Variants in KIF3A observed in about 807,000 individuals in gnomAD.
KIF3A encodes the protein kinesin family member 3A.
A neutral mutation model predicts 92.6 loss-of-function variants in KIF3A; 27 were observed. That is an observed-to-expected ratio of 0.29 (90% confidence interval 0.21 to 0.40). The LOEUF (loss-of-function observed/expected upper bound fraction) is 0.40. Ranked by LOEUF, KIF3A falls within the 10% of genes least tolerant of loss-of-function variation. The pLI is 1.00. For missense variants in KIF3A, 581 were observed against 872.6 expected, an observed-to-expected ratio of 0.67 and a Z score of 4.21; for synonymous variants, 250 against 275.4, an observed-to-expected ratio of 0.91 and a Z score of 0.92.
At chr5:132,711,128 T>C in intron 8 of KIF3A, 71 bp from the exon 9 acceptor site, 1 of 1,374,676 alleles carries the variant, frequency 7.3e-7, no homozygotes, top group Non-Finnish European at 1.0e-6. Context: ...AATACCTATA[T>C]CAGCTTTCTT....
At chr5:132,707,904 CA>C in intron 10 of KIF3A, among the ~76,000 whole-genome samples, 1 of 152,110 alleles carries the variant, frequency 6.6e-6, no homozygotes, top group Non-Finnish European at 1.5e-5. Context: ...ATTGTTTTAA[CA>C]AAAGCCTTTA....
chr5:132,690,082 G>T (rs763976188), downstream of KIF3A, among the ~76,000 whole-genome samples: 5 of 152,178 alleles, frequency 3.3e-5, no homozygotes, highest in Non-Finnish European at 5.9e-5. Flanking sequence ...GCCGAGCATG[G>T]TGTTGCGTCT....
At chr5:132,718,361 G>A (rs891600054) in intron 5 of KIF3A, among the ~76,000 whole-genome samples, 1 of 152,160 alleles carries the variant, frequency 6.6e-6, no homozygotes, top group Non-Finnish European at 1.5e-5. Flanking sequence ...CCAGGCTGGA[G>A]GGCAGTGGCA....
At chr5:132,728,802 G>A (rs897818443) in intron 2 of KIF3A, among the ~76,000 whole-genome samples, 7 of 151,408 alleles carry the variant, frequency 4.6e-5, no homozygotes, top group Admixed American at 1.3e-4. Flanking sequence ...GCTGGGTGCC[G>A]TGGCTCCTGC....
At chr5:132,719,573 C>T (rs1753757571) in intron 5 of KIF3A, among the ~76,000 whole-genome samples, 1 of 151,728 alleles carries the variant, frequency 6.6e-6, no homozygotes, top group African/African-American at 2.4e-5. Flanking sequence ...CTCACTGCAA[C>T]TTCTGCCTTC....
In KIF3A at chr5:132,696,677, C is replaced by T. The variant is rs143233559; in HGVS notation, c.2138G>A (p.Arg713His). 58 of 1,609,418 alleles carry T rather than the reference C, an allele frequency of 3.6e-5. No homozygotes were observed. Among genetic ancestry groups the T allele is most frequent in the African/African-American group, 3.5e-4 (26 of 74,836 alleles). Reference sequence around the variant, plus strand: ...AATTACAGTTTCAGGCTTTGCAGAACGCTTTCTGTTTGGAGAAGAAAAAAA... The same window carrying T: ...AATTACAGTTTCAGGCTTTGCAGAATGCTTTCTGTTTGGAGAAGAAAAAAA... ...KARPKTGRRKRSAKPETVIDS... is the reference protein window; with the variant it reads ...KARPKTGRRKHSAKPETVIDS... The change falls in exon 19 of 19, where the codon CGT becomes CAT. Residue 713 changes from arginine to histidine, a missense_variant. By Grantham distance (29) the Arg-to-His change is conservative (BLOSUM62 0). This residue lies in a region of KIF3A where 112 missense variants were observed against 144.3 expected (regional missense o/e 0.78). Transcript: ENST00000403231.
chr5:132,711,122 C>G, intron 8 of KIF3A, 65 bp from the exon 9 acceptor site: 1 of 1,418,992 alleles, frequency 7.0e-7, no homozygotes, highest in South Asian at 1.2e-5. Flanking sequence ...TTAGGAAATA[C>G]CTATATCAGC....
chr5:132,710,821 C>T (rs1032851847), intron 9 of KIF3A, 138 bp downstream of exon 9: 22 of 1,141,592 alleles, frequency 1.9e-5, no homozygotes, highest in Admixed American at 5.1e-5. Flanking sequence ...GCAAAGTTAA[C>T]CAGGTAAATG....
chr5:132,732,531 C>T (rs948943010), intron 2 of KIF3A, among the ~76,000 whole-genome samples: 2 of 152,148 alleles, frequency 1.3e-5, no homozygotes, highest in Non-Finnish European at 2.9e-5. Flanking sequence ...AATCTCAGCA[C>T]TTTGGGAGGC....
At position 132,737,455 on chromosome 5, in the gene KIF3A, C is replaced by A; in HGVS notation, c.-36G>T. The A allele has an allele frequency of 6.2e-7, 1 of 1,600,580 alleles. No homozygotes were observed. The highest frequency in any genetic ancestry group is 8.5e-7 in the Non-Finnish European group (1 of 1,174,368). ...TCCCGTGCCCGGCGGACGTCCCCGC[C>A]CGGGGTGCAGCCCAGCGACACCGGG... is the stretch of plus-strand genomic sequence containing the variant. On this transcript the variant is annotated 5_prime_UTR_variant, in exon 1 of 19. Transcript: ENST00000403231.
chr5:132,699,409 C>T, intron 17 of KIF3A, 114 bp from the exon 18 acceptor site: 1 of 1,001,636 alleles, frequency 1.0e-6, no homozygotes, highest in South Asian at 1.5e-5. Context: ...GAAGCTAAAA[C>T]CAAAGAAATG....
chr5:132,702,014 T>C, intron 15 of KIF3A, 73 bp downstream of exon 15: 1 of 1,420,256 alleles, frequency 7.0e-7, no homozygotes. Flanking sequence ...GTATTTATCA[T>C]CAGTTAAATT....
intron 14 of KIF3A, 134 bp from the exon 15 acceptor site, chr5:132,702,346 G>A (rs1027573965): frequency 9.6e-6 from 8 of 836,330 alleles, no homozygotes; most frequent in Middle Eastern, 2.8e-4. Context: ...GATAAACAGC[G>A]TGACACTATC....
In KIF3A at chr5:132,702,942, T is replaced by C; in HGVS notation, c.1590A>G (p.Glu530=). ...CTGCTCTTTTCCTCCTTTCTTCCAGTTCCATGTTAGATTCTTCAAGAAGTT... is the reference window on the plus strand; with the variant it reads ...CTGCTCTTTTCCTCCTTTCTTCCAGCTCCATGTTAGATTCTTCAAGAAGTT... The part of the protein sequence containing the change: ...QEKLLEESNM[E]LEERRKRAEQ... Residue 530 remains glutamate (E), a synonymous_variant, in exon 13 of 19, where the codon GAA becomes GAG. Transcript: ENST00000403231. 6.2e-7 allele frequency: 1 copy of C among 1,613,724 alleles called. No individual in the cohort carries two copies. Among genetic ancestry groups the C allele is most frequent in the Non-Finnish European group, 8.5e-7 (1 of 1,179,852 alleles).
Position 132,702,131 on chromosome 5 carries a change from G to A in KIF3A, c.1840C>T (p.Leu614Phe). Residue 614 changes from leucine (L) to phenylalanine (F), a missense_variant, in exon 15 of 19, where the codon CTT becomes TTT. Physicochemically the swap from Leu to Phe is conservative, Grantham distance 22 (BLOSUM62 0). Around this residue, in one of 5 missense-constraint regions of KIF3A, gnomAD observed 112 missense variants for 144.3 expected, o/e 0.78. Transcript: ENST00000403231. ...NIRQLSRELR[L>F]QMLIIDNFIP... ...AAGTTATCAATAATAAGCATCTGAA[G>A]TCGAAGCTCCCGGCTAAGTTGCCGA... The A allele has an allele frequency of 6.2e-7, 1 of 1,613,868 alleles. No homozygotes were observed. Among genetic ancestry groups the A allele is most frequent in the Non-Finnish European group, 8.5e-7 (1 of 1,179,806 alleles).
Position 132,696,312 on chromosome 5 carries a change from G to A in KIF3A, c.*322C>T, listed in dbSNP as rs1342206265. ...ATTCTAGTTACCTAAATATACAGTA[G>A]TTGGATAAATAGCTAATCGATTTAC... On this transcript the variant is annotated 3_prime_UTR_variant, in exon 19 of 19. Transcript: ENST00000403231. 5.5e-6 allele frequency: 1 copy of A among 182,008 alleles called. No individual in the cohort carries two copies. The highest frequency in any genetic ancestry group is 6.0e-5 in the Admixed American group (1 of 16,540). The allele number at this position is 182,008 out of a possible 1,614,324, so 11.3% of individuals were successfully genotyped here.
At chr5:132,716,572 T>C in intron 6 of KIF3A, 130 bp from the exon 7 acceptor site, 1 of 804,694 alleles carries the variant, frequency 1.2e-6, no homozygotes, top group Non-Finnish European at 1.9e-6. Flanking sequence ...TTCAAAATAA[T>C]ATAGGAAAGG....
At chr5:132,717,471 A>G (rs747722336) in intron 5 of KIF3A, among the ~76,000 whole-genome samples, 3 of 152,190 alleles carry the variant, frequency 2.0e-5, no homozygotes, top group Non-Finnish European at 2.9e-5. Flanking sequence ...GCTTGAACAT[A>G]TAAACCACAG....
At chr5:132,707,483 T>G (rs532133737) in intron 10 of KIF3A, among the ~76,000 whole-genome samples, 1 of 96,620 alleles carries the variant, frequency 1.0e-5, no homozygotes, top group Non-Finnish European at 3.0e-5. Flanking sequence ...ATATAACTAC[T>G]CTTTAAGAAT....
Sources: allele counts gnomAD v4.1 joint callset (sites outside exome capture counted in the v4.1 genomes callset), GRCh38; gene constraint gnomAD v4.1.1; regional missense constraint gnomAD v4.1.1; transcripts MANE v1.5; gene names NCBI Gene and HGNC (gene_info 2026-07-23, HGNC 2026-07-21).